Variants in MYBL2 observed in about 807,000 individuals in gnomAD.
MYBL2 encodes the protein myb-related protein B.
Under a neutral mutation model 79.9 loss-of-function variants are expected in MYBL2, and 28 were observed. The ratio of observed to expected loss-of-function variants is 0.35; its 90% CI spans 0.26 to 0.48. MYBL2 has a LOEUF of 0.48. Among genes scored for constraint, MYBL2 ranks in the 20% least tolerant of loss-of-function variants. MYBL2 has a pLI of 0.99. For missense variants in MYBL2, 735 were observed against 893.9 expected, an observed-to-expected ratio of 0.82 and a Z score of 2.27; for synonymous variants, 378 against 361.2, an observed-to-expected ratio of 1.05 and a Z score of -0.53.
At chr20:43,688,877 C>T (rs981148583) in intron 5 of MYBL2, among the ~76,000 whole-genome samples, 1 of 151,668 alleles carries the variant, frequency 6.6e-6, no homozygotes, top group Admixed American at 6.6e-5. Context: ...GCAACCTCTG[C>T]CTCCTGGGTT....
At chr20:43,715,515 G>A (rs569574719) in intron 13 of MYBL2, among the ~76,000 whole-genome samples, 76 of 152,296 alleles carry the variant, frequency 5.0e-4, no homozygotes, top group Non-Finnish European at 7.9e-4. Context: ...AGCCTTCTCT[G>A]ACCCTACATT....
rs142726201 is a variant in MYBL2, at chr20:43,699,830, C to G, written c.737C>G (p.Ala246Gly). ...KEEENSEEEL[A>G]AATTSKEQEP... ...GAGGAAAACAGTGAGGAGGAACTTG[C>G]AGCAGCCACCACATCGAAGGAACAG... Residue 246 changes from alanine to glycine, a missense_variant, in exon 7 of 14, where the codon GCA becomes GGA. Physicochemically the swap from Ala to Gly is moderately conservative, Grantham distance 60. Transcript: ENST00000217026. The G allele has an allele frequency of 1.9e-6, 3 of 1,614,188 alleles. No individual in the cohort carries two copies. Among genetic ancestry groups the G allele is most frequent in the African/African-American group, 1.3e-5 (1 of 75,044 alleles).
At chr20:43,687,533 AC>A (rs1987306376) in intron 5 of MYBL2, among the ~76,000 whole-genome samples, 1 of 152,134 alleles carries the variant, frequency 6.6e-6, no homozygotes, top group Non-Finnish European at 1.5e-5. Context: ...ATAATGAAAA[AC>A]ATCAGTCTTT....
At chr20:43,694,777 A>AGT (rs1344399725) in intron 6 of MYBL2, among the ~76,000 whole-genome samples, 9 of 152,170 alleles carry the variant, frequency 5.9e-5, no homozygotes, top group Admixed American at 5.9e-4. Flanking sequence ...TGTACATCTA[A>AGT]GTAGTATGTG....
At chr20:43,715,081 C>A (rs1157495978) in intron 12 of MYBL2, 53 bp from the exon 13 acceptor site, 3 of 1,599,968 alleles carry the variant, frequency 1.9e-6, no homozygotes, top group Non-Finnish European at 2.6e-6. Context: ...TTTTTTCTTC[C>A]CTCTCACAGC....
At chr20:43,687,297 G>T (rs1987300225) in intron 5 of MYBL2, among the ~76,000 whole-genome samples, 1 of 152,138 alleles carries the variant, frequency 6.6e-6, no homozygotes, top group African/African-American at 2.4e-5. Flanking sequence ...GATAAGGGAG[G>T]CCTCAGCAAG....
chr20:43,708,248 C>T (rs953061202), intron 9 of MYBL2, among the ~76,000 whole-genome samples: 3 of 152,048 alleles, frequency 2.0e-5, no homozygotes, highest in African/African-American at 7.2e-5. Context: ...CACAGGTGTG[C>T]ACCACCATGC....
chr20:43,713,593 G>T (rs1395724084), intron 12 of MYBL2, among the ~76,000 whole-genome samples: 1 of 152,050 alleles, frequency 6.6e-6, no homozygotes, highest in East Asian at 1.9e-4. Flanking sequence ...CTCCATGTTG[G>T]TCAGGCTGGT....
At position 43,705,354 on chromosome 20, in the gene MYBL2, G is replaced by A; in HGVS notation, c.1501G>A (p.Ala501Thr). The A allele has an allele frequency of 6.2e-7, 1 of 1,611,092 alleles. No homozygotes were observed. The highest frequency in any genetic ancestry group is 8.5e-7 in the Non-Finnish European group (1 of 1,178,542). Residue 501 changes from alanine (A) to threonine (T), a missense_variant, in exon 9 of 14, where the codon GCT becomes ACT. Around this residue, in one of 5 missense-constraint regions of MYBL2, gnomAD observed 243 missense variants for 327.2 expected, o/e 0.74. Transcript: ENST00000217026. ...RDKTPLHQKH[A>T]AFVTPDQKYS... ...CAAGACACCCCTGCACCAGAAACAT[G>A]CTGCGTGAGTGCTGCAGTGCCCCCA...
chr20:43,675,509 C>T (rs967433060), intron 2 of MYBL2, among the ~76,000 whole-genome samples: 3 of 151,956 alleles, frequency 2.0e-5, no homozygotes, highest in Admixed American at 1.3e-4. Context: ...GATGGGGTTT[C>T]ACCATGTTGG....
intron 6 of MYBL2, among the ~76,000 whole-genome samples, chr20:43,696,677 G>A (rs1420283301): frequency 6.6e-6 from 1 of 152,292 alleles, no homozygotes; most frequent in Admixed American, 6.5e-5. Flanking sequence ...TTCCATCAAT[G>A]CTATAATGAT....
At chr20:43,678,576 G>C (rs1453226966) in intron 2 of MYBL2, among the ~76,000 whole-genome samples, 1 of 152,116 alleles carries the variant, frequency 6.6e-6, no homozygotes. Context: ...GAGATGGGTG[G>C]CCTGGCGCGG....
intron 1 of MYBL2, among the ~76,000 whole-genome samples, chr20:43,669,272 G>A (rs868805460): frequency 2.6e-5 from 4 of 152,308 alleles, no homozygotes; most frequent in African/African-American, 9.6e-5. Flanking sequence ...CAAAGTGTCG[G>A]GATTACAGGT....
intron 10 of MYBL2, 66 bp from the exon 11 acceptor site, chr20:43,711,422 C>CA (rs1247036762): frequency 6.9e-5 from 93 of 1,338,138 alleles, no homozygotes; most frequent in South Asian, 4.5e-4. Context: ...GGGTTGGTCC[C>CA]ACAGTCCCAC....
In MYBL2 at chr20:43,674,227, C is replaced by CCA. The variant is rs1555809917; in HGVS notation, c.114+329_114+330insAC. On this transcript the variant is annotated intron_variant, in intron 2 of 13. Transcript: ENST00000217026. ...GAGGTTTGGCCAAATCTGTAACTCC[C>CCA]CCCACCCTTTTTTTTTTTTTTTTTT... 2.7e-5 allele frequency among the ~76,000 whole-genome samples: 3 copies of CCA among 109,472 alleles called. 1 individual carries two copies. The highest frequency in any genetic ancestry group is 4.1e-5 in the Non-Finnish European group (2 of 48,926). The allele number at this position is 109,472 out of a possible 152,430, so 71.8% of individuals were successfully genotyped here.
rs567315473 is a variant in MYBL2 at position 43,704,732 on chromosome 20, A to C, written c.1366-487A>C. On this transcript the variant is annotated intron_variant, in intron 8 of 13. Transcript: ENST00000217026. ...TTCTTATCTGTAAAAGGGGGATAGTAATAGTGCCTATGTCTCAGGATTTGT... is the reference window on the plus strand; with the variant it reads ...TTCTTATCTGTAAAAGGGGGATAGTCATAGTGCCTATGTCTCAGGATTTGT... Among the ~76,000 whole-genome samples, 3 of 152,312 alleles carry C rather than the reference A, an allele frequency of 2.0e-5. No individual in the cohort carries two copies. In the South Asian group the frequency reaches 6.2e-4, roughly 32 times the overall value.
intron 1 of MYBL2, among the ~76,000 whole-genome samples, chr20:43,669,495 C>A (rs1346164954): frequency 6.6e-6 from 1 of 152,340 alleles, no homozygotes; most frequent in East Asian, 1.9e-4. Context: ...TGCCCCACTT[C>A]CCGCTTTGTC....
intron 2 of MYBL2, among the ~76,000 whole-genome samples, chr20:43,680,251 C>T (rs1987112949): frequency 6.6e-6 from 1 of 152,092 alleles, no homozygotes; most frequent in East Asian, 1.9e-4. Context: ...TGGTCTCAAA[C>T]TCCTGACCTC....
intron 11 of MYBL2, 45 bp from the exon 12 acceptor site, chr20:43,712,957 A>T (rs201054204): frequency 2.0e-6 from 3 of 1,464,820 alleles, no homozygotes. Context: ...GACCATGGGG[A>T]ATCCAGACAC....
Sources: gnomAD v4.1 joint callset for allele counts (sites outside exome capture counted in the v4.1 genomes callset) on GRCh38, gnomAD v4.1.1 for gene constraint, gnomAD v4.1.1 regional missense constraint, MANE v1.5 for transcripts, NCBI Gene and HGNC (gene_info 2026-07-23, HGNC 2026-07-21) for gene names.